TRPM3: variants seen among roughly 807,000 people sequenced by gnomAD.
TRPM3 encodes long transient receptor potential channel 3.
In TRPM3, 77 loss-of-function variants were observed where a neutral mutation model predicts 181.2. The observed-to-expected ratio is 0.42, with a 90% CI of 0.35 to 0.51. The LOEUF (loss-of-function observed/expected upper bound fraction) is 0.51. Among genes scored for constraint, TRPM3 ranks in the 20% least tolerant of loss-of-function variants. The pLI, the probability that TRPM3 is intolerant of heterozygous loss-of-function variation, is 0.01. For missense variants in TRPM3, 1,759 were observed against 2,196.7 expected, an observed-to-expected ratio of 0.80 and a Z score of 3.98; for synonymous variants, 745 against 796.4, an observed-to-expected ratio of 0.94 and a Z score of 1.09.
At chr9:71,290,426 C>T (rs151025685) in intron 1 of TRPM3, among the ~76,000 whole-genome samples, 11 of 152,006 alleles carry the variant, frequency 7.2e-5, no homozygotes, top group Admixed American at 6.6e-4. Flanking sequence ...TGGAATAATA[C>T]GTTTTAAATA....
intron 1 of TRPM3, among the ~76,000 whole-genome samples, chr9:71,173,563 T>C (rs998269110): frequency 1.4e-4 from 21 of 152,244 alleles, no homozygotes; most frequent in Non-Finnish European, 2.4e-4. Flanking sequence ...GTGCTGCCAC[T>C]ACATTTGGTA....
intron 1 of TRPM3, among the ~76,000 whole-genome samples, chr9:70,896,065 A>G (rs1159816792): frequency 2.0e-4 from 31 of 152,210 alleles, no homozygotes; most frequent in Admixed American, 2.0e-3. Context: ...GGGTCACAAG[A>G]CAGATCATTA....
chr9:71,309,781 C>A (rs910432963), intron 1 of TRPM3, among the ~76,000 whole-genome samples: 5 of 152,028 alleles, frequency 3.3e-5, no homozygotes, highest in African/African-American at 1.2e-4. Flanking sequence ...ACATTCATTT[C>A]AACTAAAATG....
At chr9:71,101,939 G>T (rs529975148) in intron 1 of TRPM3, among the ~76,000 whole-genome samples, 7 of 152,166 alleles carry the variant, frequency 4.6e-5, no homozygotes, top group Admixed American at 2.6e-4. Flanking sequence ...TTCAGAAGAA[G>T]CAATTAAATC....
intron 22 of TRPM3, among the ~76,000 whole-genome samples, chr9:70,578,560 G>A (rs1265622318): frequency 6.6e-6 from 1 of 152,210 alleles, no homozygotes; most frequent in Non-Finnish European, 1.5e-5. Flanking sequence ...CACCCTAAGT[G>A]CCCGATGTCC....
At chr9:71,415,313 T>C (rs542884361) in intron 1 of TRPM3, among the ~76,000 whole-genome samples, 3 of 152,234 alleles carry the variant, frequency 2.0e-5, no homozygotes, top group Non-Finnish European at 4.4e-5. Context: ...AATAAACTTC[T>C]GTTGTCTTAA....
chr9:70,536,981 G>T lies in TRPM3; in HGVS notation c.4132C>A (p.Arg1378=), dbSNP rs200634226. 2 of 1,612,674 alleles carry T rather than the reference G, an allele frequency of 1.2e-6. No homozygotes were observed. Among genetic ancestry groups the T allele is most frequent in the Non-Finnish European group, 8.5e-7 (1 of 1,178,818 alleles). The change falls in exon 26 of 26, where the codon CGG becomes AGG. Residue 1378 remains arginine, a synonymous_variant. Coordinates refer to ENST00000677713, the MANE Select transcript of TRPM3 (RefSeq NM_001366145.2). The part of the protein sequence containing the change: ...IFKERSLSLH[R]ATSSHSVAKE... ...GCTACAGAGTGGGAACTAGTAGCCC[G>T]GTGTAGGCTCAGGGACCTTTCTTTA...
chr9:70,591,272 GCT>G, intron 21 of TRPM3, 67 bp from the exon 22 acceptor site: 3 of 1,404,076 alleles, frequency 2.1e-6, no homozygotes, highest in Non-Finnish European at 3.0e-6. Flanking sequence ...TCTTATAATT[GCT>G]GACAATGATG....
intron 22 of TRPM3, among the ~76,000 whole-genome samples, chr9:70,574,586 T>C (rs978069290): frequency 6.6e-6 from 1 of 152,258 alleles, no homozygotes; most frequent in African/African-American, 2.4e-5. Context: ...TGTGTAACTC[T>C]GGGTTTGATA....
intron 9 of TRPM3, among the ~76,000 whole-genome samples, chr9:70,649,192 C>CTTTTTTTTT: frequency 6.9e-6 from 1 of 144,194 alleles, no homozygotes; most frequent in African/African-American, 2.6e-5. Flanking sequence ...TGAACAGACA[C>CTTTTTTTTT]TTTTTTTTTT....
At chr9:70,911,498 C>T (rs1348801037) in intron 1 of TRPM3, among the ~76,000 whole-genome samples, 1 of 152,144 alleles carries the variant, frequency 6.6e-6, no homozygotes, top group Non-Finnish European at 1.5e-5. Flanking sequence ...TATATTCGAC[C>T]ACGTGCTAAT....
chr9:71,025,995 C>T (rs2097893512), intron 1 of TRPM3, among the ~76,000 whole-genome samples: 1 of 152,196 alleles, frequency 6.6e-6, no homozygotes. Flanking sequence ...CTGCTCTTAC[C>T]ATGGGCCTCT....
At chr9:70,898,648 T>C (rs1039470621) in intron 1 of TRPM3, among the ~76,000 whole-genome samples, 2 of 146,716 alleles carry the variant, frequency 1.4e-5, no homozygotes, top group African/African-American at 5.0e-5. Context: ...CTCCCGAGGC[T>C]GAGGCAGGAG....
intron 9 of TRPM3, among the ~76,000 whole-genome samples, chr9:70,673,531 T>C (rs1590121578): frequency 6.6e-6 from 1 of 152,320 alleles, no homozygotes; most frequent in East Asian, 1.9e-4. Context: ...CACACAGTAA[T>C]GTCCTAGGCA....
At position 71,377,646 on chromosome 9, in the gene TRPM3, A is replaced by T. The variant is rs554485571; in HGVS notation, c.183+69007T>A. Among the ~76,000 whole-genome samples, 3 of 148,756 alleles carry T rather than the reference A, an allele frequency of 2.0e-5. No homozygotes were observed. In the South Asian group the frequency reaches 6.2e-4, roughly 31 times the overall value. ...TTTATTGAAGTATAACATATATAGAAAAAAGTATACTATAAGCAGGAAACT... is the reference window on the plus strand; with the variant it reads ...TTTATTGAAGTATAACATATATAGATAAAAGTATACTATAAGCAGGAAACT... On this transcript the variant is annotated intron_variant, in intron 1 of 24. Coordinates refer to the TRPM3 transcript ENST00000357533.
chr9:70,980,478 T>C (rs892463982), intron 1 of TRPM3, among the ~76,000 whole-genome samples: 1 of 152,154 alleles, frequency 6.6e-6, no homozygotes, highest in Non-Finnish European at 1.5e-5. Context: ...GTTCCTGACA[T>C]AGTAAGCTAA....
At chr9:71,119,067 A>AAT (rs2073062634) in intron 1 of TRPM3, among the ~76,000 whole-genome samples, 1 of 152,188 alleles carries the variant, frequency 6.6e-6, no homozygotes, top group Non-Finnish European at 1.5e-5. Context: ...GAGAGTGGAC[A>AAT]ATACAATTGC....
intron 1 of TRPM3, among the ~76,000 whole-genome samples, chr9:71,193,627 C>T (rs2078165714): frequency 6.6e-6 from 1 of 151,904 alleles, no homozygotes; most frequent in African/African-American, 2.4e-5. Context: ...TCCACAAAAT[C>T]TTACTATTAC....
In TRPM3 at chr9:70,690,830, G is replaced by A. The variant is rs146057947; in HGVS notation, c.1273-9252C>T. 1.9e-3 allele frequency among the ~76,000 whole-genome samples: 293 copies of A among 152,272 alleles called. 1 individual carries two copies. The highest frequency in any genetic ancestry group is 6.4e-3 in the African/African-American group (265 of 41,558). The stretch of plus-strand genomic sequence containing the variant: ...TATTAGCTTCTGTTTTCTCTTTGGC[G>A]TAATTAAAGTTGACTTGGTACAGGG... On this transcript the variant is annotated intron_variant, in intron 8 of 25. Coordinates refer to ENST00000677713, the MANE Select transcript of TRPM3 (RefSeq NM_001366145.2).
Sources: allele counts gnomAD v4.1 joint callset (sites outside exome capture counted in the v4.1 genomes callset), GRCh38; gene constraint gnomAD v4.1.1; transcripts MANE v1.5; gene names NCBI Gene and HGNC (gene_info 2026-07-23, HGNC 2026-07-21).